Variants in LRP1 observed in about 807,000 individuals in gnomAD.
LRP1 encodes LDL receptor related protein 1, also known as prolow-density lipoprotein receptor-related protein 1.
LRP1 carries 51 observed loss-of-function variants against 541.5 expected under a neutral mutation model. The observed-to-expected ratio is 0.09, with a 90% CI of 0.08 to 0.12. The LOEUF (loss-of-function observed/expected upper bound fraction) is 0.12, where lower values mean the gene tolerates loss of function less well. LRP1 is among the 10% of genes least tolerant of loss of function. The pLI is 1.00. For synonymous variants in LRP1, 2,219 were observed against 2,470.8 expected (o/e 0.90, Z 3.02); for missense variants, 3,878 against 6,376.2 (o/e 0.61, Z 13.34).
chr12:57,211,394 G>A lies in LRP1; in HGVS notation c.13091+44G>A. ...CACAGTTCCACCCAGCTGGGCCCCTGCCCTGTCCTAGCCCTGCCCTGCCCC... is the reference window on the plus strand; with the variant it reads ...CACAGTTCCACCCAGCTGGGCCCCTACCCTGTCCTAGCCCTGCCCTGCCCC... On this transcript the variant is annotated intron_variant, in intron 84 of 88. Transcript: ENST00000243077. This position sits in a 1 kb window ranked among gnomAD's most constrained non-coding sequence, Gnocchi z 4.3. 6.2e-7 allele frequency: 1 copy of A among 1,610,154 alleles called. No individual in the cohort carries two copies. Among genetic ancestry groups the A allele is most frequent in the South Asian group, 1.1e-5 (1 of 90,976 alleles).
chr12:57,138,733 A>T (rs1004024364), intron 2 of LRP1, 152 bp downstream of exon 2: 1 of 1,103,012 alleles, frequency 9.1e-7, no homozygotes, highest in African/African-American at 1.6e-5. Context: ...ACTGTCCTTT[A>T]CACCCCTTCA....
At chr12:57,202,878 T>C in intron 68 of LRP1, 1 of 561,358 alleles carries the variant, frequency 1.8e-6, no homozygotes, top group Non-Finnish European at 3.2e-6. Flanking sequence ...CCCCAAACCC[T>C]GGTGCTTGTC....
At chr12:57,202,178 C>G (rs1186946834) in intron 67 of LRP1, among the ~76,000 whole-genome samples, 1 of 152,094 alleles carries the variant, frequency 6.6e-6, no homozygotes, top group Non-Finnish European at 1.5e-5. Context: ...CCTGCCCACC[C>G]TATGGGATCT....
At chr12:57,195,191 C>G in intron 51 of LRP1, 80 bp from the exon 52 acceptor site, 1 of 1,570,862 alleles carries the variant, frequency 6.4e-7, no homozygotes, top group Non-Finnish European at 8.6e-7. Flanking sequence ...CCCCTGCAGA[C>G]GACGGCGAAC....
Position 57,177,937 on chromosome 12 carries a change from T to TTTTTC in LRP1, c.4361+356_4361+360dup, listed in dbSNP as rs2036082001. 6.8e-6 allele frequency among the ~76,000 whole-genome samples: 1 copy of TTTTTC among 147,594 alleles called. No homozygotes were observed. Among genetic ancestry groups the TTTTTC allele is most frequent in the Non-Finnish European group, 1.5e-5 (1 of 67,540 alleles). On this transcript the variant is annotated intron_variant, in intron 26 of 88. Transcript: ENST00000243077. This position sits in a 1 kb window ranked among gnomAD's most constrained non-coding sequence, Gnocchi z 6.8. Reference sequence around the variant, plus strand: ...AATTGGTCTGCCCAGGGAGGGTGCCTTTTTCTTTTCTTTTTTTTTTTTTTT... The same window carrying TTTTTC: ...AATTGGTCTGCCCAGGGAGGGTGCCTTTTTCTTTTCTTTTCTTTTTTTTTTTTTTT...
chr12:57,207,864 C>T (rs534089424), intron 76 of LRP1, among the ~76,000 whole-genome samples, 174 bp from the exon 77 acceptor site: 1 of 152,232 alleles, frequency 6.6e-6, no homozygotes, highest in Non-Finnish European at 1.5e-5. Flanking sequence ...GCTCACCAGC[C>T]ACGTGTGAGA....
Position 57,212,683 on chromosome 12 carries a change from T to A in LRP1, c.*128T>A. On this transcript the variant is annotated 3_prime_UTR_variant, in exon 89 of 89. Transcript: ENST00000243077. The surrounding 1 kb of genome is among the most constrained non-coding windows in gnomAD (Gnocchi z 5.0). ...TGTATAAATGTAAAAATGAAGGAAT[T>A]ACATTTTATATGTGAGCGAGCAAGC... 1 of 928,302 alleles carries A rather than the reference T, an allele frequency of 1.1e-6. No homozygotes were observed. The highest frequency in any genetic ancestry group is 1.6e-6 in the Non-Finnish European group (1 of 635,270). 57.5% of individuals were successfully genotyped at this position (928,302 alleles called of 1,614,324 possible). A position where few individuals can be genotyped will look rare whatever the true frequency, so the allele number is the denominator to read the frequency against.
In LRP1 at chr12:57,178,946, A is replaced by G. The variant is rs377583917; in HGVS notation, c.4663A>G (p.Ile1555Val). ...GQGPCSHLCL[I>V]NYNRTVSCAC... ...GGGCCCCTGCTCCCACCTGTGTCTC[A>G]TCAACTACAACCGGACCGTGTCCTG... Residue 1555 changes from isoleucine (I) to valine (V), a missense_variant, in exon 28 of 89, where the codon ATC (isoleucine) becomes GTC (valine). Ile to Val is a conservative substitution (Grantham distance 29). Around this residue, in one of 13 missense-constraint regions of LRP1, gnomAD observed 54 missense variants for 167.7 expected, o/e 0.32. Transcript: ENST00000243077. This position sits in a 1 kb window ranked among gnomAD's most constrained non-coding sequence, Gnocchi z 5.8. 6.2e-7 allele frequency: 1 copy of G among 1,613,930 alleles called. No homozygotes were observed. Among genetic ancestry groups the G allele is most frequent in the Non-Finnish European group, 8.5e-7 (1 of 1,179,998 alleles).
chr12:57,202,799 C>A (rs905463706), intron 68 of LRP1: 3 of 584,182 alleles, frequency 5.1e-6, no homozygotes, highest in Non-Finnish European at 9.2e-6. Context: ...TCCCACCATA[C>A]CCCCACCTCT....
At position 57,174,028 on chromosome 12, in the gene LRP1, G is replaced by T. The variant is rs371041643; in HGVS notation, c.3547+48G>T. ...GGGTAGGGAGGGTGGCTGGGTAGGA[G>T]TCTGGGCCAAGGACAGTCTTTGGGG... On this transcript the variant is annotated intron_variant, in intron 22 of 88. Transcript: ENST00000243077. 48 of 1,584,642 alleles carry T rather than the reference G, an allele frequency of 3.0e-5. No homozygotes were observed. The African/African-American group carries it at 5.4e-4, about 18-fold the overall frequency.
At position 57,145,099 on chromosome 12, in the gene LRP1, C is replaced by T. The variant is rs748684528; in HGVS notation, c.576C>T (p.Asn192=). ...QPDNRSCKAK[N]EPVDRPPVLL... ...ATAACCGCTCCTGCAAGGCCAAGAA[C>T]GGTGGGTGGGGTTGCCTCTGGCCAC... The change falls in exon 5 of 89, where the codon AAC becomes AAT. Residue 192 remains asparagine (N), a splice_region_variant and synonymous_variant. Coordinates refer to ENST00000243077, the MANE Select transcript of LRP1 (RefSeq NM_002332.3). 85 of 1,613,778 alleles carry T rather than the reference C, an allele frequency of 5.3e-5. No individual in the cohort carries two copies. The highest frequency in any genetic ancestry group is 6.9e-5 in the Non-Finnish European group (81 of 1,180,024).
chr12:57,206,340 G>A lies in LRP1; in HGVS notation c.11591-133G>A, dbSNP rs2036778448. On this transcript the variant is annotated intron_variant, in intron 75 of 88. Transcript: ENST00000243077. The surrounding 1 kb of genome is among the most constrained non-coding windows in gnomAD (Gnocchi z 4.7). Reference sequence around the variant, plus strand: ...GGAGCCTGCAACCCTGAGCAGGGAGGGTAAGCAGCAGCTTCTGGCCGGAGC... The same window carrying A: ...GGAGCCTGCAACCCTGAGCAGGGAGAGTAAGCAGCAGCTTCTGGCCGGAGC... The A allele has an allele frequency of 3.3e-6, 3 of 920,018 alleles. No homozygotes were observed. The highest frequency in any genetic ancestry group is 5.1e-5 in the East Asian group (2 of 39,018). 57.0% of individuals were successfully genotyped at this position (920,018 alleles called of 1,614,324 possible). A position where few individuals can be genotyped will look rare whatever the true frequency, so the allele number is the denominator to read the frequency against.
chr12:57,180,722 G>A lies in LRP1; in HGVS notation c.5442G>A (p.Lys1814=). 2 of 1,614,104 alleles carry A rather than the reference G, an allele frequency of 1.2e-6. No homozygotes were observed. Among genetic ancestry groups the A allele is most frequent in the Non-Finnish European group, 1.7e-6 (2 of 1,179,938 alleles). ...CGGAAAAGATGGGCACATGCAGCAA[G>A]GCTGACGGCTCGGGCTCCGTGGTCC... ...QVSEKMGTCS[K]ADGSGSVVLR... is the part of the protein sequence containing the mutation. Residue 1814 remains lysine, a synonymous_variant, in exon 33 of 89, where the codon AAG becomes AAA. Transcript: ENST00000243077.
chr12:57,154,477 A>C lies in LRP1; in HGVS notation c.1005-2A>C. On this transcript the variant is annotated splice_acceptor_variant, in intron 7 of 88. Coordinates refer to ENST00000243077, the MANE Select transcript of LRP1 (RefSeq NM_002332.3). LOFTEE classifies it high-confidence loss of function. This position sits in a 1 kb window ranked among gnomAD's most constrained non-coding sequence, Gnocchi z 4.6. ...CCCCATTTAACATGCATCTTCCCAC[A>C]GGAAGGTGTTTTTCACTGACTATGG... The C allele has an allele frequency of 6.2e-7, 1 of 1,612,162 alleles. No homozygotes were observed. Among genetic ancestry groups the C allele is most frequent in the Non-Finnish European group, 8.5e-7 (1 of 1,178,248 alleles).
Position 57,179,639 on chromosome 12 carries a change from G to A in LRP1, c.4966+83G>A, listed in dbSNP as rs982900098. The A allele has an allele frequency of 4.9e-5, 71 of 1,442,194 alleles. No homozygotes were observed. The East Asian group carries it at 9.1e-4, about 18-fold the overall frequency. The allele number at this position is 1,442,194 out of a possible 1,614,324, so 89.3% of individuals were successfully genotyped here. A position where few individuals can be genotyped will look rare whatever the true frequency, so the allele number is the denominator to read the frequency against. On this transcript the variant is annotated intron_variant, in intron 29 of 88. Coordinates refer to ENST00000243077, the MANE Select transcript of LRP1 (RefSeq NM_002332.3). The surrounding 1 kb of genome is among the most constrained non-coding windows in gnomAD (Gnocchi z 6.8). ...CTCCCAACCCTGGTCTACTTGGTCC[G>A]AGTGGTCCTTCTCCCAGTCCTGTTC...
At position 57,202,543 on chromosome 12, in the gene LRP1, T is replaced by TGGCCCCCC; in HGVS notation, c.10711+6_10711+7insGGCCCCCC. The stretch of plus-strand genomic sequence containing the variant: ...CTCCGATGAAGAGAGCTGCAGTACG[T>TGGCCCCCC]CCCCACCCACCCAGCCCCGCATGAG... On this transcript the variant is annotated splice_region_variant and intron_variant, in intron 68 of 88. Coordinates refer to ENST00000243077, the MANE Select transcript of LRP1 (RefSeq NM_002332.3). 2 of 1,523,624 alleles carry TGGCCCCCC rather than the reference T, an allele frequency of 1.3e-6. No individual in the cohort carries two copies. The highest frequency in any genetic ancestry group is 1.4e-5 in the African/African-American group (1 of 71,846). 94.4% of individuals were successfully genotyped at this position (1,523,624 alleles called of 1,614,324 possible). A position where few individuals can be genotyped will look rare whatever the true frequency, so the allele number is the denominator to read the frequency against.
rs2036650069 is a variant in LRP1 at position 57,201,336 on chromosome 12, C to G, written c.10346-161C>G. On this transcript the variant is annotated intron_variant, in intron 65 of 88. Coordinates refer to ENST00000243077, the MANE Select transcript of LRP1 (RefSeq NM_002332.3). The surrounding 1 kb of genome is among the most constrained non-coding windows in gnomAD (Gnocchi z 6.4). The stretch of plus-strand genomic sequence containing the variant: ...ATGCATGATATAGAGACATAGAGAT[C>G]CAGAAAACAAAAAGCACCAAAACTG... Among the ~76,000 whole-genome samples the G allele has an allele frequency of 6.6e-6, 1 of 152,118 alleles. No homozygotes were observed. The highest frequency in any genetic ancestry group is 2.4e-5 in the African/African-American group (1 of 41,408).
chr12:57,191,240 G>A, intron 43 of LRP1, 80 bp from the exon 44 acceptor site: 4 of 1,395,626 alleles, frequency 2.9e-6, no homozygotes, highest in Non-Finnish European at 3.9e-6. Context: ...GCTGTCAGAG[G>A]CCAGGCCAGG....
intron 18 of LRP1, 145 bp downstream of exon 18, chr12:57,167,191 G>A: frequency 1.4e-6 from 1 of 704,934 alleles, no homozygotes. Context: ...TGTGAGAGGA[G>A]AGCCCCATCA....
Sources: allele counts gnomAD v4.1 joint callset (sites outside exome capture counted in the v4.1 genomes callset), GRCh38; gene constraint gnomAD v4.1.1; regional missense constraint gnomAD v4.1.1; non-coding constraint Gnocchi (gnomAD v3.1); transcripts MANE v1.5; gene names NCBI Gene and HGNC (gene_info 2026-07-23, HGNC 2026-07-21).